BCAT2: variants seen among roughly 807,000 people sequenced by gnomAD.
The protein encoded by BCAT2 is branched chain amino acid transaminase 2.
Under a neutral mutation model 52.9 loss-of-function variants are expected in BCAT2, and 44 were observed. The ratio of observed to expected loss-of-function variants is 0.83; its 90% CI spans 0.65 to 1.07. The LOEUF is 1.07. BCAT2 is among the 50% of genes least tolerant of loss of function. The pLI, the probability that BCAT2 is intolerant of heterozygous loss-of-function variation, is 0.00. For synonymous variants in BCAT2, 215 were observed against 217.1 expected, an observed-to-expected ratio of 0.99 and a Z score of 0.08; for missense variants, 478 against 521.8, an observed-to-expected ratio of 0.92 and a Z score of 0.82.
rs1279261277 is a variant in BCAT2, at chr19:48,799,634, C to A, written c.695+41G>T. 2 of 1,520,228 alleles carry A rather than the reference C, an allele frequency of 1.3e-6. No individual in the cohort carries two copies. Among genetic ancestry groups the A allele is most frequent in the East Asian group, 2.3e-5 (1 of 43,576 alleles). 94.2% of individuals were successfully genotyped at this position (1,520,228 alleles called of 1,614,324 possible). ...CACGCTGGTCCCTGTGTCTCCAACG[C>A]CCAGTGCGCCAGTCGTTCTGGGGAT... On this transcript the variant is annotated intron_variant, in intron 6 of 10. Coordinates refer to ENST00000316273, the MANE Select transcript of BCAT2 (RefSeq NM_001190.4). The surrounding 1 kb of genome is among the most constrained non-coding windows in gnomAD (Gnocchi z 5.5).
Position 48,795,160 on chromosome 19 carries a change from G to A in BCAT2, c.*266C>T. On this transcript the variant is annotated 3_prime_UTR_variant, in exon 11 of 11. Coordinates refer to ENST00000316273, the MANE Select transcript of BCAT2 (RefSeq NM_001190.4). ...GTCTGGCCTGAGAACGGAGAGATCC[G>A]GAATCGGGGCCAAGGTGTATCCTTG... The A allele has an allele frequency of 3.7e-6, 2 of 545,580 alleles. No individual in the cohort carries two copies. Among genetic ancestry groups the A allele is most frequent in the Non-Finnish European group, 6.6e-6 (2 of 304,168 alleles). 33.8% of individuals were successfully genotyped at this position (545,580 alleles called of 1,614,324 possible).
chr19:48,806,988 C>T lies in BCAT2; in HGVS notation c.99+12G>A. 6.2e-7 allele frequency: 1 copy of T among 1,612,814 alleles called. No individual in the cohort carries two copies. On this transcript the variant is annotated intron_variant, in intron 2 of 10. Transcript: ENST00000316273. ...CTCTCTCAGAGCCAAGCATCGAGTTCCCTCCTTTCACCTTGAAACTGGAGG... is the reference window on the plus strand; with the variant it reads ...CTCTCTCAGAGCCAAGCATCGAGTTTCCTCCTTTCACCTTGAAACTGGAGG...
At chr19:48,805,755 C>G (rs1236812385) in intron 3 of BCAT2, among the ~76,000 whole-genome samples, 4 of 123,674 alleles carry the variant, frequency 3.2e-5, no homozygotes, top group Non-Finnish European at 3.4e-5. Flanking sequence ...CCGGCTGTCC[C>G]TCTCCTGCCA....
chr19:48,807,204 G>C lies in BCAT2; in HGVS notation c.25-130C>G, dbSNP rs1372172719. 3.9e-6 allele frequency: 3 copies of C among 767,594 alleles called. No individual in the cohort carries two copies. Among genetic ancestry groups the C allele is most frequent in the Non-Finnish European group, 6.3e-6 (3 of 479,748 alleles). The allele number at this position is 767,594 out of a possible 1,614,324, so 47.5% of individuals were successfully genotyped here. ...TCTGTCCCAGTTTCAGTCCATTCTAGACGGGGCAGGTGGTCCTGAAGGAGG... is the reference window on the plus strand; with the variant it reads ...TCTGTCCCAGTTTCAGTCCATTCTACACGGGGCAGGTGGTCCTGAAGGAGG... On this transcript the variant is annotated intron_variant, in intron 1 of 10. Transcript: ENST00000316273. The surrounding 1 kb of genome is among the most constrained non-coding windows in gnomAD (Gnocchi z 4.6).
At chr19:48,810,737 T>A in intron 1 of BCAT2, 1 of 49,950 alleles carries the variant, frequency 2.0e-5, no homozygotes, top group Non-Finnish European at 3.9e-5. Context: ...CATGTTTCCC[T>A]TTTTTTTTTT....
rs761135830 is a variant in BCAT2, at chr19:48,795,432, C to G, written c.1173G>C (p.Pro391=). ...YGIRAHEWMF[P]V is the part of the protein sequence containing the mutation. ...TGGAGCACAGCCTGCAGCTTCACAC[C>G]GGGAACATCCACTCGTGGGCTCTGA... The change falls in exon 11 of 11, where the codon CCG becomes CCC. Residue 391 remains proline (P), a synonymous_variant. Coordinates refer to ENST00000316273, the MANE Select transcript of BCAT2 (RefSeq NM_001190.4). 1.9e-6 allele frequency: 3 copies of G among 1,613,852 alleles called. No individual in the cohort carries two copies. The Admixed American group carries it at 5.0e-5, about 27-fold the overall frequency.
rs1599796725 is a variant in BCAT2, at chr19:48,799,274, G to GA, written c.695+400_695+401insT. ...ATTTACACAGAAAGTCCACACGGGGGTGAGGGGCTTTGGAGGCTCAAACGA... is the reference window on the plus strand; with the variant it reads ...ATTTACACAGAAAGTCCACACGGGGGATGAGGGGCTTTGGAGGCTCAAACGA... On this transcript the variant is annotated intron_variant, in intron 6 of 10. Transcript: ENST00000316273. The surrounding 1 kb of genome is among the most constrained non-coding windows in gnomAD (Gnocchi z 5.5). 5.8e-6 allele frequency: 1 copy of GA among 171,932 alleles called. No individual in the cohort carries two copies. Among genetic ancestry groups the GA allele is most frequent in the East Asian group, 1.6e-4 (1 of 6,322 alleles). The allele number at this position is 171,932 out of a possible 1,614,324, so 10.7% of individuals were successfully genotyped here.
At chr19:48,806,413 G>A (rs2122691045) in intron 3 of BCAT2, 104 bp downstream of exon 3, 1 of 1,427,818 alleles carries the variant, frequency 7.0e-7, no homozygotes, top group South Asian at 1.2e-5. Flanking sequence ...ACAGAAAGGA[G>A]AAACACACAA....
At chr19:48,805,376 C>T (rs1021160728) in intron 3 of BCAT2, among the ~76,000 whole-genome samples, 1 of 152,124 alleles carries the variant, frequency 6.6e-6, no homozygotes, top group Non-Finnish European at 1.5e-5. Flanking sequence ...TCCACATGGC[C>T]TGAGAGGGCT....
rs2034605806 is a variant in BCAT2 at position 48,799,506 on chromosome 19, A to G, written c.695+169T>C. 1.2e-6 allele frequency: 1 copy of G among 823,370 alleles called. No individual in the cohort carries two copies. The highest frequency in any genetic ancestry group is 3.9e-5 in the Admixed American group (1 of 25,810). 51.0% of individuals were successfully genotyped at this position (823,370 alleles called of 1,614,324 possible). A position where few individuals can be genotyped will look rare whatever the true frequency, so the allele number is the denominator to read the frequency against. Reference sequence around the variant, plus strand: ...AAATAATCCCCTCCTCCTTCCTTCCATGGTTTGTTTTCAGGGACCAGGGAG... The same window carrying G: ...AAATAATCCCCTCCTCCTTCCTTCCGTGGTTTGTTTTCAGGGACCAGGGAG... On this transcript the variant is annotated intron_variant, in intron 6 of 10. Coordinates refer to ENST00000316273, the MANE Select transcript of BCAT2 (RefSeq NM_001190.4). The surrounding 1 kb of genome is among the most constrained non-coding windows in gnomAD (Gnocchi z 5.5).
chr19:48,795,520 G>A, intron 10 of BCAT2, 56 bp from the exon 11 acceptor site: 1 of 1,600,206 alleles, frequency 6.2e-7, no homozygotes, highest in Non-Finnish European at 8.5e-7. Flanking sequence ...ACTCCCAGTA[G>A]GCCCTGGGGT....
chr19:48,810,736 C>CTTTTTTTT, intron 1 of BCAT2: 1 of 720,992 alleles, frequency 1.4e-6, no homozygotes, highest in Non-Finnish European at 1.8e-6. Flanking sequence ...CCATGTTTCC[C>CTTTTTTTT]TTTTTTTTTT....
At chr19:48,809,454 G>A (rs540366222) in intron 1 of BCAT2, among the ~76,000 whole-genome samples, 2 of 151,594 alleles carry the variant, frequency 1.3e-5, no homozygotes, top group South Asian at 4.2e-4. Flanking sequence ...CGGCCCCGGA[G>A]AGACCCCATC....
chr19:48,800,343 G>C (rs983986603), intron 3 of BCAT2, 46 bp from the exon 4 acceptor site: 1 of 1,535,882 alleles, frequency 6.5e-7, no homozygotes, highest in Admixed American at 1.7e-5. Context: ...TCTCCAGACA[G>C]TCATGAGAGA....
chr19:48,804,767 A>G (rs926593688), intron 3 of BCAT2, among the ~76,000 whole-genome samples: 8 of 152,110 alleles, frequency 5.3e-5, no homozygotes, highest in Admixed American at 2.6e-4. Flanking sequence ...CTGGGTCCCC[A>G]GCCAGAGGAC....
rs2034619694 is a variant in BCAT2 at position 48,799,994 on chromosome 19, A to T, written c.518T>A (p.Leu173His). The change falls in exon 5 of 11, where the codon CTC (leucine) becomes CAC (histidine). Residue 173 changes from leucine to histidine, a missense_variant. By Grantham distance (99) the Leu-to-His change is moderately conservative. Transcript: ENST00000316273. This position sits in a 1 kb window ranked among gnomAD's most constrained non-coding sequence, Gnocchi z 5.5. ...AGTSLYVRPV[L>H]IGNEPSLGVS... ...AGTTGGGCCCACCTCGTTCCCAATG[A>T]GCACAGGCCGCACATAGAGGCTGGT... The T allele has an allele frequency of 1.2e-6, 2 of 1,613,648 alleles. No individual in the cohort carries two copies. Among genetic ancestry groups the T allele is most frequent in the East Asian group, 4.5e-5 (2 of 44,868 alleles).
intron 6 of BCAT2, 56 bp from the exon 7 acceptor site, chr19:48,797,389 C>A: frequency 6.2e-7 from 1 of 1,601,872 alleles, no homozygotes; most frequent in Admixed American, 1.7e-5. Context: ...TTCCCCAGCC[C>A]AGCCCCAGAG....
rs575670517 is a variant in BCAT2 at position 48,799,591 on chromosome 19, G to C, written c.695+84C>G. On this transcript the variant is annotated intron_variant, in intron 6 of 10. Coordinates refer to ENST00000316273, the MANE Select transcript of BCAT2 (RefSeq NM_001190.4). The surrounding 1 kb of genome is among the most constrained non-coding windows in gnomAD (Gnocchi z 5.5). ...ATGTCACCTTCATGTGACATCCAGA[G>C]GCATGGCCGAAAGCACGCACGCTGG... is the stretch of plus-strand genomic sequence containing the variant. 16 of 1,435,498 alleles carry C rather than the reference G, an allele frequency of 1.1e-5. No individual in the cohort carries two copies. In the African/African-American group the frequency reaches 2.3e-4, roughly 20 times the overall value. The allele number at this position is 1,435,498 out of a possible 1,614,324, so 88.9% of individuals were successfully genotyped here.
rs1379162402 is a variant in BCAT2, at chr19:48,807,349, C to T, written c.25-275G>A. 5 of 374,286 alleles carry T rather than the reference C, an allele frequency of 1.3e-5. No individual in the cohort carries two copies. Among genetic ancestry groups the T allele is most frequent in the African/African-American group, 6.4e-5 (3 of 46,836 alleles). The allele number at this position is 374,286 out of a possible 1,614,324, so 23.2% of individuals were successfully genotyped here. On this transcript the variant is annotated intron_variant, in intron 1 of 10. Coordinates refer to ENST00000316273, the MANE Select transcript of BCAT2 (RefSeq NM_001190.4). This position sits in a 1 kb window ranked among gnomAD's most constrained non-coding sequence, Gnocchi z 4.6. ...GCCTCCCACCCCAGAGACCTTTGGT[C>T]GCAGCCTGGAGATCAGCTCAGACAA...
Sources: allele counts gnomAD v4.1 joint callset (sites outside exome capture counted in the v4.1 genomes callset), GRCh38; gene constraint gnomAD v4.1.1; non-coding constraint Gnocchi (gnomAD v3.1); transcripts MANE v1.5; gene names NCBI Gene and HGNC (gene_info 2026-07-23, HGNC 2026-07-21).